STAG2: variants seen among roughly 807,000 people sequenced by gnomAD.
STAG2 encodes STAG2 cohesin complex component, also known as cohesin subunit SA-2.
STAG2 carries 14 observed loss-of-function variants against 108.1 expected under a neutral mutation model. That is an observed-to-expected ratio of 0.13 (90% CI 0.09 to 0.20). The LOEUF (loss-of-function observed/expected upper bound fraction) is 0.20. Among genes scored for constraint, STAG2 ranks in the 10% least tolerant of loss-of-function variants. The pLI, the probability that STAG2 is intolerant of heterozygous loss-of-function variation, is 1.00. For missense variants in STAG2, 440 were observed against 940.9 expected (o/e 0.47, Z 6.96); for synonymous variants, 307 against 302.7 (o/e 1.01, Z -0.15).
At chrX:124,040,191 T>G (rs752765875) in intron 6 of STAG2, among the ~76,000 whole-genome samples, 6 of 111,791 alleles carry the variant, frequency 5.4e-5, no homozygotes, top group Non-Finnish European at 9.4e-5. Flanking sequence ...AAAGTTGTTA[T>G]AAGCATCAGT....
intron 1 of STAG2, among the ~76,000 whole-genome samples, chrX:123,981,254 T>C (rs1288214109): frequency 1.8e-5 from 2 of 111,005 alleles, no homozygotes; most frequent in Non-Finnish European, 3.8e-5. Context: ...CAGAATTTTT[T>C]TACTATCTCA....
intron 15 of STAG2, among the ~76,000 whole-genome samples, chrX:124,058,551 C>T (rs1236007713): frequency 8.9e-6 from 1 of 112,591 alleles, no homozygotes; most frequent in Non-Finnish European, 1.9e-5. Flanking sequence ...TTGGGCTACT[C>T]TGCTTACTAT....
chrX:124,098,415 A>G (rs1279028064), intron 34 of STAG2, among the ~76,000 whole-genome samples: 1 of 111,585 alleles, frequency 9.0e-6, no homozygotes, highest in Non-Finnish European at 1.9e-5. Flanking sequence ...ACACTAAACT[A>G]TACTCCATAC....
chrX:124,022,931 C>G (rs1390251779), intron 3 of STAG2, among the ~76,000 whole-genome samples: 6 of 111,634 alleles, frequency 5.4e-5, no homozygotes, highest in Non-Finnish European at 9.4e-5. Flanking sequence ...GTTCTGAGTC[C>G]ATACTTGGTT....
At chrX:124,071,450 C>A (rs1173352279) in intron 25 of STAG2, 127 bp downstream of exon 25, 2 of 500,578 alleles carry the variant, frequency 4.0e-6, no homozygotes, top group Non-Finnish European at 6.0e-6. Flanking sequence ...GGTATATATT[C>A]CAGCACAATT....
chrX:124,034,923 A>G (rs1329140678), intron 5 of STAG2, among the ~76,000 whole-genome samples: 4 of 107,744 alleles, frequency 3.7e-5, no homozygotes, highest in African/African-American at 1.4e-4. Flanking sequence ...TCGAGACAAG[A>G]TCTCACTCTG....
chrX:124,074,386 G>A (rs965474202), intron 25 of STAG2, among the ~76,000 whole-genome samples: 7 of 112,553 alleles, frequency 6.2e-5, no homozygotes, highest in African/African-American at 9.7e-5. Flanking sequence ...TTAAAATAGC[G>A]TTACAACAAA....
At chrX:123,997,600 T>G (rs183506218) in intron 1 of STAG2, among the ~76,000 whole-genome samples, 1 of 112,638 alleles carries the variant, frequency 8.9e-6, no homozygotes, top group African/African-American at 3.2e-5. Flanking sequence ...TTTATTTCAC[T>G]TAGCCCATTG....
intron 1 of STAG2, among the ~76,000 whole-genome samples, chrX:123,973,708 G>C: frequency 9.2e-6 from 1 of 108,821 alleles, no homozygotes; most frequent in Non-Finnish European, 1.9e-5. Context: ...GCTGGGTGTG[G>C]TGGTGCATGC....
intron 1 of STAG2, among the ~76,000 whole-genome samples, chrX:124,019,723 C>CCCAGGA (rs1473150595): frequency 1.8e-5 from 2 of 110,925 alleles, no homozygotes; most frequent in African/African-American, 3.3e-5. Context: ...ATTGCTTGAG[C>CCCAGGA]CCAGGAGTTC....
intron 1 of STAG2, among the ~76,000 whole-genome samples, chrX:123,987,184 G>C (rs1014729293): frequency 9.2e-6 from 1 of 108,928 alleles, no homozygotes; most frequent in Admixed American, 9.9e-5. Context: ...GTACAGACGG[G>C]TTTCACCATG....
intron 25 of STAG2, among the ~76,000 whole-genome samples, chrX:124,075,595 G>T (rs1252299758): frequency 9.0e-6 from 1 of 110,690 alleles, no homozygotes; most frequent in Non-Finnish European, 1.9e-5. Flanking sequence ...TTTTTGTTTT[G>T]TTTTTTTACA....
At chrX:124,030,899 A>C in intron 4 of STAG2, 62 bp from the exon 5 acceptor site, 1 of 1,084,572 alleles carries the variant, frequency 9.2e-7, no homozygotes. Context: ...CTTCTACTGT[A>C]GCTGTGTTTT....
chrX:124,065,709 C>G (rs775421560), intron 20 of STAG2, among the ~76,000 whole-genome samples, 167 bp from the exon 21 acceptor site: 13 of 111,700 alleles, frequency 1.2e-4, no homozygotes, highest in Non-Finnish European at 2.4e-4. Flanking sequence ...TGTTGACTTA[C>G]TTCCCCAGCC....
intron 1 of STAG2, among the ~76,000 whole-genome samples, chrX:124,000,192 A>T (rs926792490): frequency 9.0e-6 from 1 of 111,380 alleles, no homozygotes; most frequent in African/African-American, 3.3e-5. Flanking sequence ...CGTAGCCTTT[A>T]TAACGTCTTA....
chrX:124,040,398 T>C lies in STAG2; in HGVS notation c.386-2171T>C, dbSNP rs750069595. Among the ~76,000 whole-genome samples the C allele has an allele frequency of 2.7e-5, 3 of 110,972 alleles. No individual in the cohort carries two copies. In the South Asian group the frequency reaches 1.1e-3, roughly 42 times the overall value. ...GAGATAGGGTCTTGCTCTATCACTT[T>C]TAGATTTACCGGATTTTAGCAGTCT... On this transcript the variant is annotated intron_variant, in intron 6 of 34. Transcript: ENST00000371145.
At position 124,076,193 on chromosome X, in the gene STAG2, A is replaced by G. The variant is rs2058798954; in HGVS notation, c.2534-139A>G. On this transcript the variant is annotated intron_variant, in intron 25 of 34. Coordinates refer to ENST00000371145, the MANE Select transcript of STAG2 (RefSeq NM_001042750.2). Reference sequence around the variant, plus strand: ...AAAATTTAGTCTATTGGAATAAATTATGAATGGTTATAATTTTAATTTTAA... The same window carrying G: ...AAAATTTAGTCTATTGGAATAAATTGTGAATGGTTATAATTTTAATTTTAA... The G allele has an allele frequency of 5.1e-6, 3 of 584,843 alleles. No individual in the cohort carries two copies. The South Asian group carries it at 9.5e-5, about 19-fold the overall frequency. 48.2% of individuals were successfully genotyped at this position (584,843 alleles called of 1,213,427 possible).
chrX:123,986,884 G>C (rs1479776757), intron 1 of STAG2, among the ~76,000 whole-genome samples: 2 of 110,105 alleles, frequency 1.8e-5, no homozygotes, highest in African/African-American at 6.6e-5. Flanking sequence ...AACAGGGCCT[G>C]CGCAGTTTTC....
intron 1 of STAG2, among the ~76,000 whole-genome samples, chrX:124,018,511 T>C (rs1470815277): frequency 1.8e-5 from 2 of 110,589 alleles, no homozygotes; most frequent in African/African-American, 6.6e-5. Flanking sequence ...GATGGATAGA[T>C]GGATGGATTG....
Sources: gnomAD v4.1 joint callset for allele counts (sites outside exome capture counted in the v4.1 genomes callset) on GRCh38, gnomAD v4.1.1 for gene constraint, MANE v1.5 for transcripts, NCBI Gene and HGNC (gene_info 2026-07-23, HGNC 2026-07-21) for gene names.